Variants in HYDIN observed in about 807,000 individuals in gnomAD.
The protein encoded by HYDIN is HYDIN axonemal central pair apparatus protein.
HYDIN carries 132 observed loss-of-function variants against 403.9 expected under a neutral mutation model. The observed-to-expected ratio is 0.33, with a 90% CI of 0.28 to 0.38. The LOEUF (loss-of-function observed/expected upper bound fraction) is 0.38. HYDIN is among the 10% of genes least tolerant of loss of function. The pLI is 1.00. For synonymous variants in HYDIN, 1,202 were observed against 1,891.7 expected, an observed-to-expected ratio of 0.64 and a Z score of 9.46; for missense variants, 2,827 against 5,009.5, an observed-to-expected ratio of 0.56 and a Z score of 13.15.
In HYDIN at chr16:71,020,278, C is replaced by T; in HGVS notation, c.3226G>A (p.Ala1076Thr). ...SILKPDYQPL[A>T]IKNISTLPVN... ...GGCAGGGTGGAAATGTTCTTTATGG[C>T]CAAGGGCTGGTAATCAGGTTTCAGG... is the stretch of plus-strand genomic sequence containing the variant. Residue 1076 changes from alanine (A) to threonine (T), a missense_variant, in exon 22 of 86, where the codon GCC becomes ACC. By Grantham distance (58) the Ala-to-Thr change is moderately conservative. Coordinates refer to ENST00000393567, the MANE Select transcript of HYDIN (RefSeq NM_001270974.2). The T allele has an allele frequency of 6.2e-7, 1 of 1,613,958 alleles. No homozygotes were observed. The highest frequency in any genetic ancestry group is 8.5e-7 in the Non-Finnish European group (1 of 1,179,972).
rs183169407 is a variant in HYDIN, at chr16:71,042,819, C to T, written c.2530-10902G>A. ...TCCTGGAGCTGCCTGTTCTCCAACT[C>T]CCATCTGGACAGGCTGCCCTCTGGG... On this transcript the variant is annotated intron_variant, in intron 18 of 85. Transcript: ENST00000393567. Among the ~76,000 whole-genome samples the T allele has an allele frequency of 1.4e-3, 213 of 152,234 alleles. 1 individual carries two copies. The highest frequency in any genetic ancestry group is 4.9e-3 in the African/African-American group (203 of 41,536).
At chr16:70,921,300 T>G (rs2076988129) in intron 45 of HYDIN, 83 bp from the exon 46 acceptor site, 1 of 1,517,276 alleles carries the variant, frequency 6.6e-7, no homozygotes, top group South Asian at 1.3e-5. Context: ...AAAGGACATT[T>G]TGTCTCATGA....
rs540880121 is a variant in HYDIN at position 70,996,511 on chromosome 16, G to A, written c.3645-4301C>T. On this transcript the variant is annotated intron_variant, in intron 23 of 85. Transcript: ENST00000393567. ...TCCCCACTTGTGCACTATGGGGCCT[G>A]GGGGCTGTGTTAGTAAGAGAACCCT... Among the ~76,000 whole-genome samples the A allele has an allele frequency of 4.4e-3, 664 of 152,014 alleles. 3 individuals are homozygous for A. Among genetic ancestry groups the A allele is most frequent in the African/African-American group, 0.015 (626 of 41,468 alleles).
chr16:71,122,739 G>T (rs1300264044), intron 9 of HYDIN, among the ~76,000 whole-genome samples: 14 of 151,640 alleles, frequency 9.2e-5, no homozygotes. Context: ...ACAAAGCATG[G>T]TTTACTATTA....
intron 13 of HYDIN, 40 bp from the exon 14 acceptor site, chr16:71,069,542 C>A (rs1481085112): frequency 5.3e-6 from 8 of 1,519,980 alleles, no homozygotes; most frequent in Non-Finnish European, 7.2e-6. Flanking sequence ...AAAGCCCCCC[C>A]AACACCTCCC....
rs1408540426 is a variant in HYDIN, at chr16:70,879,590, G to A, written c.10367+15C>T. 1 of 1,613,386 alleles carries A rather than the reference G, an allele frequency of 6.2e-7. No homozygotes were observed. The highest frequency in any genetic ancestry group is 8.5e-7 in the Non-Finnish European group (1 of 1,179,872). The stretch of plus-strand genomic sequence containing the variant: ...CCTGCTGCAGGAGAGGGAGCTGGGA[G>A]CTGGGAGTTGGTACCTGGGCAAGCC... On this transcript the variant is annotated intron_variant, in intron 61 of 85. Coordinates refer to ENST00000393567, the MANE Select transcript of HYDIN (RefSeq NM_001270974.2).
intron 4 of HYDIN, among the ~76,000 whole-genome samples, chr16:71,176,822 C>G (rs144003945): frequency 8.6e-4 from 131 of 152,328 alleles, no homozygotes; most frequent in African/African-American, 3.0e-3. Flanking sequence ...TTCTCATCCT[C>G]TGTGTGTGAG....
chr16:71,030,475 C>T (rs1006803459), intron 19 of HYDIN, among the ~76,000 whole-genome samples: 13 of 151,248 alleles, frequency 8.6e-5, no homozygotes, highest in African/African-American at 3.2e-4. Context: ...CTCTGTCACC[C>T]AGGCTGGAGT....
At chr16:71,032,586 C>G (rs1269914916) in intron 18 of HYDIN, among the ~76,000 whole-genome samples, 2 of 131,144 alleles carry the variant, frequency 1.5e-5, no homozygotes, top group African/African-American at 2.7e-5. Context: ...CATTGTAGAG[C>G]GAGACAGTGG....
rs997425782 is a variant in HYDIN at position 71,092,695 on chromosome 16, T to G, written c.1446+1122A>C. ...TCCTGAGTTCAAGTGATTCTCCTGC[T>G]TCAGTCTTCCAAGTAGTTGGGATTA... On this transcript the variant is annotated intron_variant, in intron 11 of 85. Transcript: ENST00000393567. Among the ~76,000 whole-genome samples the G allele has an allele frequency of 4.3e-5, 6 of 140,974 alleles. No individual in the cohort carries two copies. In the Admixed American group the frequency reaches 4.3e-4, roughly 10 times the overall value. 92.5% of individuals were successfully genotyped at this position (140,974 alleles called of 152,430 possible).
intron 80 of HYDIN, among the ~76,000 whole-genome samples, chr16:70,830,485 C>T (rs1468146420): frequency 4.3e-5 from 6 of 138,740 alleles, no homozygotes; most frequent in Admixed American, 7.1e-5. Flanking sequence ...GGAGGACTTA[C>T]GAGTATTTTG....
In HYDIN at chr16:70,879,492, G is replaced by C. The variant is rs201873405; in HGVS notation, c.10368-6C>G. 5 of 1,613,418 alleles carry C rather than the reference G, an allele frequency of 3.1e-6. No homozygotes were observed. The African/African-American group carries it at 6.7e-5, about 22-fold the overall frequency. On this transcript the variant is annotated splice_polypyrimidine_tract_variant and splice_region_variant and intron_variant, in intron 61 of 85. Transcript: ENST00000393567. ...CTCGGCTCTTGGCCAGGGTGCTGTA[G>C]GGGACAGGAAGATTGTAGCCTGTCA...
At chr16:71,198,347 T>G (rs750504290) in intron 1 of HYDIN, among the ~76,000 whole-genome samples, 7 of 152,212 alleles carry the variant, frequency 4.6e-5, no homozygotes, top group Non-Finnish European at 7.3e-5. Flanking sequence ...TGTCTTTCCA[T>G]GCACAAAGGT....
At chr16:70,853,011 T>TA (rs77008189) in intron 73 of HYDIN, among the ~76,000 whole-genome samples, 7 of 131,006 alleles carry the variant, frequency 5.3e-5, no homozygotes, top group Non-Finnish European at 8.1e-5. Context: ...CCATCTCTAC[T>TA]AAAAAAAAAA....
At chr16:71,141,868 C>G (rs28462049) in intron 7 of HYDIN, among the ~76,000 whole-genome samples, 21 of 152,112 alleles carry the variant, frequency 1.4e-4, no homozygotes, top group Middle Eastern at 3.4e-3. Context: ...TACGAAGCTG[C>G]TCAATGCAAC....
intron 19 of HYDIN, among the ~76,000 whole-genome samples, chr16:71,028,523 T>C (rs1311589035): frequency 1.3e-5 from 2 of 152,144 alleles, no homozygotes; most frequent in African/African-American, 4.8e-5. Flanking sequence ...CTGGGATTTC[T>C]AAGATCTCGG....
intron 1 of HYDIN, among the ~76,000 whole-genome samples, chr16:71,222,078 C>T (rs2040831371): frequency 1.3e-5 from 2 of 152,200 alleles, no homozygotes; most frequent in Admixed American, 1.3e-4. Flanking sequence ...CCACTGGAGT[C>T]TTTCTGAGCC....
chr16:70,835,552 G>T (rs2037371200), intron 78 of HYDIN, 124 bp downstream of exon 78: 7 of 709,372 alleles, frequency 9.9e-6, no homozygotes, highest in Non-Finnish European at 1.7e-5. Context: ...TACAGGGAAG[G>T]CTCTTAGAAT....
chr16:71,059,057 G>A (rs1445520320), intron 18 of HYDIN, among the ~76,000 whole-genome samples: 4 of 152,216 alleles, frequency 2.6e-5, no homozygotes, highest in Non-Finnish European at 5.9e-5. Context: ...TTATTGGAAA[G>A]GCTTCTGGTC....
Sources: gnomAD v4.1 joint callset for allele counts (sites outside exome capture counted in the v4.1 genomes callset) on GRCh38, gnomAD v4.1.1 for gene constraint, MANE v1.5 for transcripts, NCBI Gene and HGNC (gene_info 2026-07-23, HGNC 2026-07-21) for gene names.